COG5: variants seen among roughly 807,000 people sequenced by gnomAD.
COG5 encodes conserved oligomeric Golgi complex subunit 5.
A neutral mutation model predicts 110.4 loss-of-function variants in COG5; 86 were observed. The observed-to-expected ratio is 0.78, with a 90% confidence interval of 0.65 to 0.93. The LOEUF (loss-of-function observed/expected upper bound fraction) is 0.93, where lower values mean the gene tolerates loss of function less well. Among genes scored for constraint, COG5 ranks in the 40% least tolerant of loss-of-function variants. The probability of loss-of-function intolerance (pLI) is 0.00; values close to 1 mark genes in which losing one functional copy is unlikely to be tolerated. For missense variants in COG5, 1,077 were observed against 987.0 expected (o/e 1.09, Z -1.22); for synonymous variants, 360 against 334.6 (o/e 1.08, Z -0.83).
chr7:107,435,063 A>G (rs1794282520), intron 6 of COG5, among the ~76,000 whole-genome samples: 1 of 152,174 alleles, frequency 6.6e-6, no homozygotes, highest in African/African-American at 2.4e-5. Flanking sequence ...ACAAATAGAC[A>G]AACACTGTCT....
At chr7:107,453,176 C>G (rs950237894) in intron 6 of COG5, among the ~76,000 whole-genome samples, 1 of 152,134 alleles carries the variant, frequency 6.6e-6, no homozygotes, top group African/African-American at 2.4e-5. Context: ...TCAAAATAAT[C>G]TGAACAATAG....
intron 17 of COG5, among the ~76,000 whole-genome samples, chr7:107,245,718 A>G (rs1431516875): frequency 3.3e-5 from 5 of 152,228 alleles, no homozygotes; most frequent in African/African-American, 9.6e-5. Flanking sequence ...CAGAGAAGAC[A>G]CAAACAAATG....
Position 107,236,703 on chromosome 7 carries a change from C to T in COG5, c.1854-16G>A. ...GGATAATGACCTGTAAAAGAAAAAG[C>T]AGCCCTTTTCAGCACCGCTGCACTA... On this transcript the variant is annotated splice_polypyrimidine_tract_variant and intron_variant, in intron 17 of 21. Coordinates refer to ENST00000297135, the MANE Select transcript of COG5 (RefSeq NM_006348.5). 6.6e-7 allele frequency: 1 copy of T among 1,520,854 alleles called. No individual in the cohort carries two copies. The highest frequency in any genetic ancestry group is 1.1e-5 in the South Asian group (1 of 89,148). The allele number at this position is 1,520,854 out of a possible 1,614,324, so 94.2% of individuals were successfully genotyped here.
At chr7:107,421,979 T>C (rs1290317607) in intron 6 of COG5, among the ~76,000 whole-genome samples, 1 of 152,118 alleles carries the variant, frequency 6.6e-6, no homozygotes. Flanking sequence ...TTAATAACAT[T>C]GTGTTTTTAG....
chr7:107,284,192 G>A (rs1805435866), intron 12 of COG5, among the ~76,000 whole-genome samples: 1 of 152,118 alleles, frequency 6.6e-6, no homozygotes, highest in African/African-American at 2.4e-5. Context: ...ACAAAGTGCT[G>A]GGATTACACG....
chr7:107,290,419 G>T (rs2116861394), intron 12 of COG5, among the ~76,000 whole-genome samples: 1 of 152,180 alleles, frequency 6.6e-6, no homozygotes, highest in Non-Finnish European at 1.5e-5. Flanking sequence ...GACACTTTTT[G>T]TTTTATACAG....
At chr7:107,449,413 C>T (rs1795201067) in intron 6 of COG5, among the ~76,000 whole-genome samples, 1 of 152,194 alleles carries the variant, frequency 6.6e-6, no homozygotes. Context: ...TTGGTAGCCA[C>T]ATCCTTTTGC....
intron 6 of COG5, among the ~76,000 whole-genome samples, chr7:107,482,735 A>G (rs1308898202): frequency 6.6e-6 from 1 of 152,190 alleles, no homozygotes; most frequent in East Asian, 1.9e-4. Flanking sequence ...TATCTAGACA[A>G]AAGTTTCCTT....
At chr7:107,401,571 A>G (rs1791429621) in intron 7 of COG5, among the ~76,000 whole-genome samples, 1 of 152,200 alleles carries the variant, frequency 6.6e-6, no homozygotes, top group Admixed American at 6.5e-5. Context: ...TAAAGGAAAT[A>G]CGCGAGCTCT....
At chr7:107,364,852 T>C (rs1349290977) in intron 8 of COG5, among the ~76,000 whole-genome samples, 3 of 152,208 alleles carry the variant, frequency 2.0e-5, no homozygotes, top group Non-Finnish European at 2.9e-5. Context: ...TTAAAAAATA[T>C]AGATATTATC....
intron 10 of COG5, among the ~76,000 whole-genome samples, chr7:107,359,643 C>T (rs1266012332): frequency 1.3e-5 from 2 of 152,338 alleles, no homozygotes; most frequent in East Asian, 1.9e-4. Context: ...CAAATCAGCA[C>T]ACCCTTCCTC....
At chr7:107,393,062 C>A (rs1164313123) in intron 7 of COG5, among the ~76,000 whole-genome samples, 1 of 152,164 alleles carries the variant, frequency 6.6e-6, no homozygotes, top group Non-Finnish European at 1.5e-5. Flanking sequence ...ATACCAGACT[C>A]CCCATACTCT....
intron 6 of COG5, among the ~76,000 whole-genome samples, chr7:107,459,800 A>AG (rs1289436595): frequency 2.1e-4 from 1 of 4,752 alleles, no homozygotes; most frequent in Non-Finnish European, 3.1e-4. Flanking sequence ...TGGCTCAGGG[A>AG]AAAAAAAAAA....
intron 12 of COG5, among the ~76,000 whole-genome samples, chr7:107,294,875 C>G (rs1806482225): frequency 1.3e-5 from 1 of 78,052 alleles, no homozygotes; most frequent in African/African-American, 4.4e-5. Flanking sequence ...GCCACCATGC[C>G]TGGATTTGTG....
intron 6 of COG5, among the ~76,000 whole-genome samples, chr7:107,517,782 C>T (rs1253470651): frequency 6.6e-6 from 1 of 151,900 alleles, no homozygotes; most frequent in Non-Finnish European, 1.5e-5. Context: ...ACCACAACCT[C>T]TGCCTCCCAG....
intron 6 of COG5, among the ~76,000 whole-genome samples, chr7:107,466,711 T>C (rs907775095): frequency 1.3e-5 from 2 of 152,198 alleles, no homozygotes; most frequent in Non-Finnish European, 2.9e-5. Flanking sequence ...AATCTCTGAA[T>C]TGGCATTAAA....
At chr7:107,269,000 C>T (rs1221439599) in intron 14 of COG5, among the ~76,000 whole-genome samples, 2 of 152,102 alleles carry the variant, frequency 1.3e-5, no homozygotes, top group African/African-American at 4.8e-5. Context: ...AATTATTTTA[C>T]TACCTTATTA....
At chr7:107,504,821 C>A (rs74695687) in intron 6 of COG5, among the ~76,000 whole-genome samples, 1 of 152,052 alleles carries the variant, frequency 6.6e-6, no homozygotes, top group Admixed American at 6.6e-5. Flanking sequence ...TGATCTATTG[C>A]GTTCTGTGGC....
intron 15 of COG5, among the ~76,000 whole-genome samples, chr7:107,257,221 G>A (rs1802957799): frequency 6.6e-6 from 1 of 151,936 alleles, no homozygotes. Flanking sequence ...TGAAAATTTT[G>A]AAAATATCAA....
Sources: gnomAD v4.1 joint callset for allele counts (sites outside exome capture counted in the v4.1 genomes callset) on GRCh38, gnomAD v4.1.1 for gene constraint, MANE v1.5 for transcripts, NCBI Gene and HGNC (gene_info 2026-07-23, HGNC 2026-07-21) for gene names.